The following KCNG4 variants were observed in gnomAD, a reference collection of about 807,000 sequenced individuals.
KCNG4 encodes the protein voltage-gated potassium channel regulatory subunit KCNG4.
In KCNG4, 30 loss-of-function variants were observed where a neutral mutation model predicts 28.2. The ratio of observed to expected loss-of-function variants is 1.06; its 90% CI spans 0.80 to 1.44. KCNG4 has a LOEUF of 1.44. Ranked by LOEUF, KCNG4 falls within the 40% of genes most tolerant of loss-of-function variation. KCNG4 has a pLI of 0.00. For missense variants in KCNG4, 879 were observed against 712.3 expected (o/e 1.23, Z -2.66); for synonymous variants, 375 against 315.5 (o/e 1.19, Z -2.00).
intron 2 of KCNG4, chr16:84,236,512 A>AG (rs2151340332): frequency 1.6e-6 from 1 of 628,192 alleles, no homozygotes; most frequent in East Asian, 2.9e-5. Context: ...GGTGAGCCTT[A>AG]GGCACTTTTG....
At chr16:84,238,342 A>T (rs1251338129) in intron 1 of KCNG4, among the ~76,000 whole-genome samples, 1 of 152,244 alleles carries the variant, frequency 6.6e-6, no homozygotes, top group Non-Finnish European at 1.5e-5. Flanking sequence ...CAGGAATGTG[A>T]CTATGCTTAG....
chr16:84,232,190 C>G (rs952440264), intron 2 of KCNG4, among the ~76,000 whole-genome samples: 1 of 152,032 alleles, frequency 6.6e-6, no homozygotes, highest in Non-Finnish European at 1.5e-5. Context: ...AGCAGGCCAT[C>G]AGTGCTAGAT....
rs1003084532 is a variant in KCNG4, at chr16:84,218,719, A to G, written c.*3498T>C. 2 of 152,216 alleles carry G rather than the reference A, an allele frequency of 1.3e-5. No individual in the cohort carries two copies. Among genetic ancestry groups the G allele is most frequent in the African/African-American group, 4.8e-5 (2 of 41,454 alleles). 9.4% of individuals were successfully genotyped at this position (152,216 alleles called of 1,614,324 possible). On this transcript the variant is annotated 3_prime_UTR_variant, in exon 3 of 3. Coordinates refer to ENST00000308251, the MANE Select transcript of KCNG4 (RefSeq NM_172347.3). ...AATTAAGCCCCACATGCGAGCAATC[A>G]ATTCCAATTTTCCATGTCTAATTTA...
rs1904536527 is a variant in KCNG4, at chr16:84,220,671, G to A, written c.*1546C>T. 1 of 152,274 alleles carries A rather than the reference G, an allele frequency of 6.6e-6. No individual in the cohort carries two copies. Among genetic ancestry groups the A allele is most frequent in the Non-Finnish European group, 1.5e-5 (1 of 68,082 alleles). The allele number at this position is 152,274 out of a possible 1,614,324, so 9.4% of individuals were successfully genotyped here. Reference sequence around the variant, plus strand: ...TTCTTCAAGAGTCCTAGAGCCAACAGCAAACTCCTATGTGGGCCATGCCAC... The same window carrying A: ...TTCTTCAAGAGTCCTAGAGCCAACAACAAACTCCTATGTGGGCCATGCCAC... On this transcript the variant is annotated 3_prime_UTR_variant, in exon 3 of 3. Coordinates refer to ENST00000308251, the MANE Select transcript of KCNG4 (RefSeq NM_172347.3).
Position 84,238,937 on chromosome 16 carries a change from C to T in KCNG4, c.-41+733G>A, listed in dbSNP as rs79564542. ...CTCCATTTCAGACCTATATGAGGTG[C>T]TTGACTTAGTGTGAGTGTTTTAGAT... On this transcript the variant is annotated intron_variant, in intron 1 of 2. Coordinates refer to ENST00000308251, the MANE Select transcript of KCNG4 (RefSeq NM_172347.3). 2.4e-3 allele frequency among the ~76,000 whole-genome samples: 370 copies of T among 152,298 alleles called. 3 individuals are homozygous for T. The Middle Eastern group carries it at 0.054, about 22-fold the overall frequency.
intron 1 of KCNG4, among the ~76,000 whole-genome samples, chr16:84,238,935 T>G (rs753638764): frequency 1.3e-5 from 2 of 152,152 alleles, no homozygotes; most frequent in African/African-American, 2.4e-5. Flanking sequence ...CTATATGAGG[T>G]GCTTGACTTA....
intron 2 of KCNG4, among the ~76,000 whole-genome samples, chr16:84,224,221 C>G (rs2151336302): frequency 6.6e-6 from 1 of 152,212 alleles, no homozygotes; most frequent in Admixed American, 6.5e-5. Flanking sequence ...GTGTGTGGTT[C>G]TCAAGCTTGG....
chr16:84,226,917 T>C lies in KCNG4; in HGVS notation c.757-3897A>G, dbSNP rs1373071554. 1.3e-5 allele frequency among the ~76,000 whole-genome samples: 2 copies of C among 151,844 alleles called. No homozygotes were observed. The highest frequency in any genetic ancestry group is 1.9e-4 in the East Asian group (1 of 5,178). Reference sequence around the variant, plus strand: ...CACAAAAGCGGCAGAATATTGACCATTGTGTGTAGCTAAGTCATGGAGTCA... The same window carrying C: ...CACAAAAGCGGCAGAATATTGACCACTGTGTGTAGCTAAGTCATGGAGTCA... On this transcript the variant is annotated intron_variant, in intron 2 of 2. Coordinates refer to ENST00000308251, the MANE Select transcript of KCNG4 (RefSeq NM_172347.3). The surrounding 1 kb of genome is among the most constrained non-coding windows in gnomAD (Gnocchi z 4.1).
rs1006299414 is a variant in KCNG4, at chr16:84,220,530, T to G, written c.*1687A>C. On this transcript the variant is annotated 3_prime_UTR_variant, in exon 3 of 3. Coordinates refer to ENST00000308251, the MANE Select transcript of KCNG4 (RefSeq NM_172347.3). ...AATCGCAAAAAACTAGCAGAATGAA[T>G]GAACAGCAAGGAACTTGTTACCAGT... 1.3e-5 allele frequency: 2 copies of G among 152,234 alleles called. No individual in the cohort carries two copies. Among genetic ancestry groups the G allele is most frequent in the Non-Finnish European group, 2.9e-5 (2 of 68,066 alleles). 9.4% of individuals were successfully genotyped at this position (152,234 alleles called of 1,614,324 possible).
Position 84,222,593 on chromosome 16 carries a change from T to G in KCNG4, c.1184A>C (p.Glu395Ala), listed in dbSNP as rs1219218558. ...GGTGAACTCCAGCACCCGCCCGGAC[T>G]CCTTCTCGGCCACGTAGACCAAAGG... ...FSPLVYVAEK[E>A]SGRVLEFTSI... The change falls in exon 3 of 3, where the codon GAG becomes GCG. Residue 395 changes from glutamate to alanine, a missense_variant. Physicochemically the swap from Glu to Ala is moderately radical, Grantham distance 107. Coordinates refer to ENST00000308251, the MANE Select transcript of KCNG4 (RefSeq NM_172347.3). 6 of 1,613,108 alleles carry G rather than the reference T, an allele frequency of 3.7e-6. No homozygotes were observed. Among genetic ancestry groups the G allele is most frequent in the Non-Finnish European group, 4.2e-6 (5 of 1,179,974 alleles).
chr16:84,222,488 G>C lies in KCNG4; in HGVS notation c.1289C>G (p.Pro430Arg), dbSNP rs1337684668. The C allele has an allele frequency of 2.5e-6, 4 of 1,613,582 alleles. No individual in the cohort carries two copies. Among genetic ancestry groups the C allele is most frequent in the Non-Finnish European group, 3.4e-6 (4 of 1,179,884 alleles). ...GYGDMVPRSV[P>R]GQMVALSSIL... ...GCTGCTGAGGGCCACCATCTGGCCT[G>C]GCACACTGCGGGGCACCATGTCCCC... is the stretch of plus-strand genomic sequence containing the variant. The change falls in exon 3 of 3, where the codon CCA becomes CGA. Residue 430 changes from proline to arginine, a missense_variant. Coordinates refer to ENST00000308251, the MANE Select transcript of KCNG4 (RefSeq NM_172347.3).
Position 84,222,321 on chromosome 16 carries a change from C to A in KCNG4, c.1456G>T (p.Glu486Ter). ...ACATGGGGGTCCAGGAGTTCACATT[C>A]ACTGGCTGGACCGGTGTTTTGGAGG... is the stretch of plus-strand genomic sequence containing the variant. ...RHLQNTGPASECELLDPHVAS... is the reference protein window; with the variant it reads ...RHLQNTGPAS The change falls in exon 3 of 3, where the codon GAA becomes TAA. Residue 486 changes from glutamate to a stop codon, truncating the protein, a stop_gained. Transcript: ENST00000308251. LOFTEE classifies it low-confidence loss of function (END_TRUNC). 1.2e-6 allele frequency: 2 copies of A among 1,614,144 alleles called. No homozygotes were observed. Among genetic ancestry groups the A allele is most frequent in the Non-Finnish European group, 1.7e-6 (2 of 1,180,018 alleles).
chr16:84,232,451 G>C (rs1567626221), intron 2 of KCNG4, among the ~76,000 whole-genome samples: 1 of 152,216 alleles, frequency 6.6e-6, no homozygotes, highest in Non-Finnish European at 1.5e-5. Flanking sequence ...AGACTGCCTA[G>C]TTGGGACAGG....
chr16:84,233,216 G>A (rs1334884988), intron 2 of KCNG4, among the ~76,000 whole-genome samples: 2 of 152,220 alleles, frequency 1.3e-5, no homozygotes, highest in African/African-American at 4.8e-5. Context: ...GGAGGAAACT[G>A]AGGCTCAAGG....
chr16:84,225,641 C>T (rs1474161211), intron 2 of KCNG4, among the ~76,000 whole-genome samples: 2 of 152,264 alleles, frequency 1.3e-5, no homozygotes, highest in Non-Finnish European at 1.5e-5. Flanking sequence ...CTGGGAATAA[C>T]TTTTCCATAC....
At position 84,219,548 on chromosome 16, in the gene KCNG4, G is replaced by A. The variant is rs1597613177; in HGVS notation, c.*2669C>T. On this transcript the variant is annotated 3_prime_UTR_variant, in exon 3 of 3. Coordinates refer to ENST00000308251, the MANE Select transcript of KCNG4 (RefSeq NM_172347.3). ...TGGAGACCATCCTGGCTAACATGGTGAAACCCCGTCTCTCCTAAAAATACA... is the reference window on the plus strand; with the variant it reads ...TGGAGACCATCCTGGCTAACATGGTAAAACCCCGTCTCTCCTAAAAATACA... The A allele has an allele frequency of 1.3e-5, 2 of 149,746 alleles. No individual in the cohort carries two copies. The highest frequency in any genetic ancestry group is 4.9e-5 in the African/African-American group (2 of 40,526). 9.3% of individuals were successfully genotyped at this position (149,746 alleles called of 1,614,324 possible). A position where few individuals can be genotyped will look rare whatever the true frequency, so the allele number is the denominator to read the frequency against.
At chr16:84,234,048 A>G (rs1469303285) in intron 2 of KCNG4, among the ~76,000 whole-genome samples, 1 of 152,228 alleles carries the variant, frequency 6.6e-6, no homozygotes, top group Non-Finnish European at 1.5e-5. Flanking sequence ...CTTAGGAGGC[A>G]TCGGTTCTTT....
Position 84,237,067 on chromosome 16 carries a change from G to C in KCNG4, c.419C>G (p.Ala140Gly). Residue 140 changes from alanine to glycine, a missense_variant, in exon 2 of 3, where the codon GCG (alanine) becomes GGG (glycine). Coordinates refer to ENST00000308251, the MANE Select transcript of KCNG4 (RefSeq NM_172347.3). ...GGCCAGCTCCTCCTGGAAGGACAGC[G>C]CGCACATCTCCTGCAGAAGCACCAG... The part of the protein sequence containing the change: ...GKLVLLQEMC[A>G]LSFQEELAYW... The C allele has an allele frequency of 1.2e-6, 2 of 1,614,074 alleles. No individual in the cohort carries two copies. The highest frequency in any genetic ancestry group is 2.2e-5 in the South Asian group (2 of 91,080).
intron 2 of KCNG4, among the ~76,000 whole-genome samples, chr16:84,234,155 A>G (rs1296974836): frequency 6.6e-6 from 1 of 152,110 alleles, no homozygotes; most frequent in African/African-American, 2.4e-5. Flanking sequence ...CTTCCTGTCT[A>G]CACTGCCTCT....
Sources: gnomAD v4.1 joint callset for allele counts (sites outside exome capture counted in the v4.1 genomes callset) on GRCh38, gnomAD v4.1.1 for gene constraint, Gnocchi (gnomAD v3.1) non-coding constraint, MANE v1.5 for transcripts, NCBI Gene and HGNC (gene_info 2026-07-23, HGNC 2026-07-21) for gene names.